INSR: variants seen among roughly 807,000 people sequenced by gnomAD.
INSR encodes insulin receptor, also known as IR.
Under a neutral mutation model 142.6 loss-of-function variants are expected in INSR, and 67 were observed. That is an observed-to-expected ratio of 0.47 (90% CI 0.39 to 0.58). The LOEUF (loss-of-function observed/expected upper bound fraction) is 0.58. Among genes scored for constraint, INSR ranks in the 20% least tolerant of loss-of-function variants. The probability of loss-of-function intolerance (pLI) is 0.00; values close to 1 mark genes in which losing one functional copy is unlikely to be tolerated. For missense variants in INSR, 1,248 were observed against 1,833.2 expected (o/e 0.68, Z 5.83); for synonymous variants, 756 against 743.1 (o/e 1.02, Z -0.28).
intron 21 of INSR, among the ~76,000 whole-genome samples, chr19:7,118,888 C>T (rs1972406426): frequency 7.0e-6 from 1 of 142,980 alleles, no homozygotes; most frequent in Non-Finnish European, 1.5e-5. Flanking sequence ...GCACTCCAGC[C>T]TGGGTGACAG....
At chr19:7,288,169 G>A (rs1461822890) in intron 1 of INSR, among the ~76,000 whole-genome samples, 4 of 150,994 alleles carry the variant, frequency 2.6e-5, no homozygotes, top group Non-Finnish European at 4.4e-5. Context: ...ACCAGCCTAG[G>A]CAACATAGCA....
chr19:7,249,859 GC>G (rs951345251), intron 2 of INSR, among the ~76,000 whole-genome samples: 3 of 152,090 alleles, frequency 2.0e-5, no homozygotes, highest in African/African-American at 7.2e-5. Context: ...GGGCGTGGTG[GC>G]AGGTGCCTGT....
intron 2 of INSR, among the ~76,000 whole-genome samples, chr19:7,247,461 TC>T (rs138689448): frequency 0.065 from 9,891 of 152,200 alleles, 1,008 homozygotes; most frequent in African/African-American, 0.22. Context: ...TGATCAACTT[TC>T]CCAAGCCACT....
intron 13 of INSR, among the ~76,000 whole-genome samples, chr19:7,133,654 G>A (rs541177317): frequency 9.8e-5 from 15 of 152,288 alleles, no homozygotes; most frequent in African/African-American, 3.6e-4. Flanking sequence ...CTGAGGTCAG[G>A]AGTTCGAGAC....
intron 2 of INSR, among the ~76,000 whole-genome samples, chr19:7,214,925 C>T (rs1975388379): frequency 6.6e-6 from 1 of 150,608 alleles, no homozygotes; most frequent in Non-Finnish European, 1.5e-5. Flanking sequence ...TTCCCCTCTC[C>T]CTCCCTCCTT....
At chr19:7,250,080 G>A (rs1183805007) in intron 2 of INSR, among the ~76,000 whole-genome samples, 1 of 151,934 alleles carries the variant, frequency 6.6e-6, no homozygotes, top group African/African-American at 2.4e-5. Flanking sequence ...GATGGCTTGA[G>A]ACCAGGAGTT....
chr19:7,143,625 A>G (rs1973124756), intron 11 of INSR, among the ~76,000 whole-genome samples: 1 of 152,224 alleles, frequency 6.6e-6, no homozygotes, highest in Admixed American at 6.5e-5. Flanking sequence ...AAGGAATCAC[A>G]TCACTCAGGT....
chr19:7,290,863 A>T (rs996222263), intron 1 of INSR, among the ~76,000 whole-genome samples: 1 of 151,832 alleles, frequency 6.6e-6, no homozygotes, highest in Non-Finnish European at 1.5e-5. Context: ...CAAGATCAGG[A>T]GGTCGAGACC....
At position 7,170,506 on chromosome 19, in the gene INSR, A is replaced by G. The variant is rs2860178; in HGVS notation, c.1483+31T>C. On this transcript the variant is annotated intron_variant, in intron 6 of 21. Transcript: ENST00000302850. Reference sequence around the variant, plus strand: ...CCATCTTCCACTACACCGGTCCCTCATGCCAAAAAGGTTGGGGACCAGTGA... The same window carrying G: ...CCATCTTCCACTACACCGGTCCCTCGTGCCAAAAAGGTTGGGGACCAGTGA... 0.45 allele frequency: 710,238 copies of G among 1,564,940 alleles called. 167,026 individuals carry two copies. The highest frequency in any genetic ancestry group is 0.75 in the African/African-American group (55,371 of 73,928).
intron 1 of INSR, among the ~76,000 whole-genome samples, chr19:7,269,639 G>A (rs116208875): frequency 0.01 from 1,313 of 126,444 alleles, 20 homozygotes; most frequent in African/African-American, 0.037. Context: ...GAGGCTCCCA[G>A]TCAGTCACAT....
At position 7,116,882 on chromosome 19, in the gene INSR, G is replaced by T. The variant is rs1972341624; in HGVS notation, c.*174C>A. 4.7e-6 allele frequency: 3 copies of T among 643,010 alleles called. No homozygotes were observed. Among genetic ancestry groups the T allele is most frequent in the African/African-American group, 1.8e-5 (1 of 55,184 alleles). The allele number at this position is 643,010 out of a possible 1,614,324, so 39.8% of individuals were successfully genotyped here. ...CACAGTTAAATCCTCTGCAGGACTA[G>T]TTAAATTGGTAACCAAACGAGTCCA... On this transcript the variant is annotated 3_prime_UTR_variant, in exon 22 of 22. Transcript: ENST00000302850.
chr19:7,229,954 T>C (rs1032206954), intron 2 of INSR, among the ~76,000 whole-genome samples: 2 of 151,700 alleles, frequency 1.3e-5, no homozygotes, highest in East Asian at 3.9e-4. Context: ...CTTTTTTTTG[T>C]TTGTTTGTTT....
intron 3 of INSR, 111 bp downstream of exon 3, chr19:7,184,205 A>G: frequency 4.2e-6 from 4 of 957,976 alleles, no homozygotes; most frequent in Non-Finnish European, 6.5e-6. Context: ...GACCTCACTC[A>G]TAGCCAATTA....
chr19:7,243,184 G>A (rs182931811), intron 2 of INSR, among the ~76,000 whole-genome samples: 26 of 147,216 alleles, frequency 1.8e-4, no homozygotes, highest in Admixed American at 5.5e-4. Context: ...GGCCCATTTC[G>A]AAGGAGAGGT....
At chr19:7,270,490 G>T (rs1312677800) in intron 1 of INSR, among the ~76,000 whole-genome samples, 4 of 152,052 alleles carry the variant, frequency 2.6e-5, no homozygotes, top group Non-Finnish European at 5.9e-5. Flanking sequence ...AGTGGCTCAT[G>T]CCTGTAATCC....
At chr19:7,184,884 GAGGGAGGGGCCC>G (rs1374500789) in intron 2 of INSR, among the ~76,000 whole-genome samples, 1 of 152,164 alleles carries the variant, frequency 6.6e-6, no homozygotes, top group Non-Finnish European at 1.5e-5. Context: ...ACAGCTGCCT[GAGGGAGGGGCCC>G]AGGGAGGCCC....
chr19:7,262,453 C>T (rs180932189), intron 2 of INSR, among the ~76,000 whole-genome samples: 22 of 152,188 alleles, frequency 1.4e-4, no homozygotes, highest in African/African-American at 5.1e-4. Flanking sequence ...GCCTGGGCGA[C>T]GAGAGCAAAA....
intron 2 of INSR, among the ~76,000 whole-genome samples, chr19:7,187,442 A>G (rs1348256010): frequency 2.6e-5 from 4 of 152,186 alleles, no homozygotes; most frequent in African/African-American, 7.2e-5. Context: ...TTACCAAGGA[A>G]CAAAACTTTT....
At chr19:7,291,960 T>C (rs1447937901) in intron 1 of INSR, among the ~76,000 whole-genome samples, 1 of 151,678 alleles carries the variant, frequency 6.6e-6, no homozygotes, top group African/African-American at 2.4e-5. Context: ...GCCCGGCTAA[T>C]TTTTTCTATT....
Sources: gnomAD v4.1 joint callset for allele counts (sites outside exome capture counted in the v4.1 genomes callset) on GRCh38, gnomAD v4.1.1 for gene constraint, MANE v1.5 for transcripts, NCBI Gene and HGNC (gene_info 2026-07-23, HGNC 2026-07-21) for gene names.